SMAD2: variants seen among roughly 807,000 people sequenced by gnomAD.
SMAD2 encodes SMAD family member 2.
SMAD2 carries 8 observed loss-of-function variants against 64.4 expected under a neutral mutation model. That is an observed-to-expected ratio of 0.12 (90% CI 0.07 to 0.22). The LOEUF (loss-of-function observed/expected upper bound fraction) is 0.22. Ranked by LOEUF, SMAD2 falls within the 10% of genes least tolerant of loss-of-function variation. The probability of loss-of-function intolerance (pLI) is 1.00; values close to 1 mark genes in which losing one functional copy is unlikely to be tolerated. For synonymous variants in SMAD2, 203 were observed against 195.8 expected (o/e 1.04, Z -0.31); for missense variants, 289 against 561.2 (o/e 0.51, Z 4.90).
chr18:47,872,178 A>G (rs1661018985), intron 2 of SMAD2, among the ~76,000 whole-genome samples: 1 of 152,204 alleles, frequency 6.6e-6, no homozygotes, highest in Non-Finnish European at 1.5e-5. Context: ...GCCATAGGGT[A>G]TATTTAAGCC....
At chr18:47,930,718 C>G (rs2034982952), upstream of SMAD2, 1 of 147,712 alleles carries the variant, frequency 6.8e-6, no homozygotes. Flanking sequence ...GCCGCCCGCA[C>G]GGCCGCGCCC....
rs1039256020 is a variant in SMAD2, at chr18:47,816,847, C to T, written c.*24980G>A. 4 of 150,338 alleles carry T rather than the reference C, an allele frequency of 2.7e-5. No individual in the cohort carries two copies. The highest frequency in any genetic ancestry group is 9.8e-5 in the African/African-American group (4 of 40,880). 9.3% of individuals were successfully genotyped at this position (150,338 alleles called of 1,614,324 possible). A position where few individuals can be genotyped will look rare whatever the true frequency, so the allele number is the denominator to read the frequency against. ...GGCACATCTAGGCTCACTGCAACCT[C>T]CACTTCTCAGGTTCAAGCCAATCTT... On this transcript the variant is annotated 3_prime_UTR_variant, in exon 11 of 11. Coordinates refer to ENST00000262160, the MANE Select transcript of SMAD2 (RefSeq NM_005901.6).
rs1568010621 is a variant in SMAD2, at chr18:47,809,106, T to A, written c.*32721A>T. 6.6e-6 allele frequency: 1 copy of A among 152,362 alleles called. No individual in the cohort carries two copies. The highest frequency in any genetic ancestry group is 2.4e-5 in the African/African-American group (1 of 41,558). 9.4% of individuals were successfully genotyped at this position (152,362 alleles called of 1,614,324 possible). A position where few individuals can be genotyped will look rare whatever the true frequency, so the allele number is the denominator to read the frequency against. On this transcript the variant is annotated 3_prime_UTR_variant, in exon 11 of 11. Transcript: ENST00000262160. ...CTGAAGGAAGAATTCTCAGCAGCAG[T>A]TCTCAACAACAGATCACAGAAACAA...
chr18:47,892,655 TAAA>T (rs66652405), intron 2 of SMAD2, among the ~76,000 whole-genome samples: 72,890 of 151,784 alleles, frequency 0.48, 18,592 homozygotes, highest in East Asian at 0.8. Flanking sequence ...TGTTCTTTAT[TAAA>T]GAAACTAAAG....
At chr18:47,923,554 G>A (rs566010949) in intron 1 of SMAD2, 26 of 152,294 alleles carry the variant, frequency 1.7e-4, no homozygotes, top group African/African-American at 5.8e-4. Flanking sequence ...GCCACATGTG[G>A]CTGGCAGCTA....
chr18:47,879,550 A>G (rs1441008530), intron 2 of SMAD2, among the ~76,000 whole-genome samples: 1 of 139,282 alleles, frequency 7.2e-6, no homozygotes, highest in African/African-American at 2.5e-5. Flanking sequence ...CATTACTTGA[A>G]CAAGCATGAT....
Position 47,828,114 on chromosome 18 carries a change from C to T in SMAD2, c.*13713G>A, listed in dbSNP as rs1450827601. The stretch of plus-strand genomic sequence containing the variant: ...GCCACCCCGTCTGGGAGGTGAGGAG[C>T]GTCTCTGCCCGGCCGCCCCGTCTGA... On this transcript the variant is annotated 3_prime_UTR_variant, in exon 11 of 11. Transcript: ENST00000262160. The T allele has an allele frequency of 1.2e-5, 2 of 160,878 alleles. No homozygotes were observed. Among genetic ancestry groups the T allele is most frequent in the Non-Finnish European group, 1.3e-5 (1 of 76,064 alleles). 10.0% of individuals were successfully genotyped at this position (160,878 alleles called of 1,614,324 possible). A position where few individuals can be genotyped will look rare whatever the true frequency, so the allele number is the denominator to read the frequency against.
chr18:47,848,879 C>A lies in SMAD2; in HGVS notation c.785-192G>T, dbSNP rs558538651. 1.8e-4 allele frequency among the ~76,000 whole-genome samples: 28 copies of A among 152,228 alleles called. 1 individual carries two copies. The South Asian group carries it at 5.8e-3, about 32-fold the overall frequency. ...GATTTTCAGTATTTTTCACACAAAA[C>A]TCCAGTTTCATAGATCATACCAGAT... On this transcript the variant is annotated intron_variant, in intron 7 of 10. Transcript: ENST00000262160.
intron 1 of SMAD2, among the ~76,000 whole-genome samples, chr18:47,924,521 G>A (rs1380684051): frequency 1.3e-5 from 2 of 150,510 alleles, no homozygotes; most frequent in Admixed American, 6.6e-5. Context: ...GAGAGCAGTC[G>A]CGGGATCTCG....
At position 47,827,193 on chromosome 18, in the gene SMAD2, A is replaced by T. The variant is rs148369884; in HGVS notation, c.*14634T>A. 96 of 152,352 alleles carry T rather than the reference A, an allele frequency of 6.3e-4. No individual in the cohort carries two copies. The highest frequency in any genetic ancestry group is 2.2e-3 in the African/African-American group (93 of 41,594). 9.4% of individuals were successfully genotyped at this position (152,352 alleles called of 1,614,324 possible). A position where few individuals can be genotyped will look rare whatever the true frequency, so the allele number is the denominator to read the frequency against. On this transcript the variant is annotated 3_prime_UTR_variant, in exon 11 of 11. Coordinates refer to ENST00000262160, the MANE Select transcript of SMAD2 (RefSeq NM_005901.6). ...TTCATTCTATTATCCAAGGTAACTG[A>T]AGTATTTGACTGTACAGGACTGCTT...
At chr18:47,854,843 G>T (rs2030522859) in intron 6 of SMAD2, among the ~76,000 whole-genome samples, 1 of 151,944 alleles carries the variant, frequency 6.6e-6, no homozygotes, top group African/African-American at 2.4e-5. Flanking sequence ...TTATAATAAT[G>T]AACCTACACT....
Position 47,824,578 on chromosome 18 carries a change from A to C in SMAD2, c.*17249T>G, listed in dbSNP as rs1278507482. 1 of 152,208 alleles carries C rather than the reference A, an allele frequency of 6.6e-6. No individual in the cohort carries two copies. Among genetic ancestry groups the C allele is most frequent in the Non-Finnish European group, 1.5e-5 (1 of 68,036 alleles). The allele number at this position is 152,208 out of a possible 1,614,324, so 9.4% of individuals were successfully genotyped here. A position where few individuals can be genotyped will look rare whatever the true frequency, so the allele number is the denominator to read the frequency against. ...AAATAAACATCATTTTCTTTTAGAA[A>C]GCCTCTGTTATTTAGGTTGACAGTT... On this transcript the variant is annotated 3_prime_UTR_variant, in exon 11 of 11. Transcript: ENST00000262160.
In SMAD2 at chr18:47,896,937, TCCACC is replaced by T. The variant is rs1205260662; in HGVS notation, c.-53-133_-53-129del. On this transcript the variant is annotated intron_variant, in intron 1 of 10. Coordinates refer to ENST00000262160, the MANE Select transcript of SMAD2 (RefSeq NM_005901.6). ...AATTATGACTTTCCCAATAGACTTC[TCCACC>T]CATGAAAACGTTATCTTTATGAATT... 1.6e-4 allele frequency: 126 copies of T among 791,188 alleles called. 2 individuals are homozygous for T. In the East Asian group the frequency reaches 3.2e-3, roughly 20 times the overall value. 49.0% of individuals were successfully genotyped at this position (791,188 alleles called of 1,614,324 possible).
chr18:47,892,179 C>T (rs2033226558), intron 2 of SMAD2, among the ~76,000 whole-genome samples: 1 of 149,854 alleles, frequency 6.7e-6, no homozygotes, highest in Admixed American at 6.7e-5. Flanking sequence ...CCTTGAATGA[C>T]AATAAACATT....
At chr18:47,867,281 A>C (rs2031629869) in intron 5 of SMAD2, 1 of 151,928 alleles carries the variant, frequency 6.6e-6, no homozygotes, top group South Asian at 2.1e-4. Context: ...ATCAAAAACC[A>C]CTTCCCATTT....
chr18:47,839,616 T>G lies in SMAD2; in HGVS notation c.*2211A>C. ...GCAAAGGTTGAGGAAGGAGATATGT[T>G]AGTGAGAATCACATGAAGCAGACTA... is the stretch of plus-strand genomic sequence containing the variant. On this transcript the variant is annotated 3_prime_UTR_variant, in exon 11 of 11. Transcript: ENST00000262160. The G allele has an allele frequency of 4.3e-6, 1 of 233,368 alleles. No homozygotes were observed. The highest frequency in any genetic ancestry group is 8.5e-6 in the Non-Finnish European group (1 of 118,012). The allele number at this position is 233,368 out of a possible 1,614,324, so 14.5% of individuals were successfully genotyped here. A position where few individuals can be genotyped will look rare whatever the true frequency, so the allele number is the denominator to read the frequency against.
Position 47,822,079 on chromosome 18 carries a change from T to C in SMAD2, c.*19748A>G, listed in dbSNP as rs967294391. ...ATTAAATTGTATGAAAAGCATTGTC[T>C]AATGATGTAATACTAGACACAGTTA... On this transcript the variant is annotated 3_prime_UTR_variant, in exon 11 of 11. Coordinates refer to ENST00000262160, the MANE Select transcript of SMAD2 (RefSeq NM_005901.6). 5 of 152,228 alleles carry C rather than the reference T, an allele frequency of 3.3e-5. No homozygotes were observed. Among genetic ancestry groups the C allele is most frequent in the African/African-American group, 1.2e-4 (5 of 41,472 alleles). 9.4% of individuals were successfully genotyped at this position (152,228 alleles called of 1,614,324 possible). A position where few individuals can be genotyped will look rare whatever the true frequency, so the allele number is the denominator to read the frequency against.
At chr18:47,851,196 T>C (rs900385741) in intron 7 of SMAD2, 78 bp downstream of exon 7, 1 of 1,016,812 alleles carries the variant, frequency 9.8e-7, no homozygotes, top group African/African-American at 1.6e-5. Context: ...ATATAAAAAA[T>C]AACTCCTAGA....
chr18:47,869,163 C>A, intron 4 of SMAD2, 80 bp downstream of exon 4: 2 of 984,042 alleles, frequency 2.0e-6, no homozygotes, highest in South Asian at 1.5e-5. Context: ...TAAAATTTTC[C>A]TGGGTCACAA....
Sources: allele counts gnomAD v4.1 joint callset (sites outside exome capture counted in the v4.1 genomes callset), GRCh38; gene constraint gnomAD v4.1.1; transcripts MANE v1.5; gene names NCBI Gene and HGNC (gene_info 2026-07-23, HGNC 2026-07-21).